POU6F2: variants seen among roughly 807,000 people sequenced by gnomAD.
The protein encoded by POU6F2 is POU class 6 homeobox 2.
Under a neutral mutation model 71.3 loss-of-function variants are expected in POU6F2, and 31 were observed. The ratio of observed to expected loss-of-function variants is 0.43; its 90% CI spans 0.33 to 0.59. POU6F2 has a LOEUF of 0.59. Among genes scored for constraint, POU6F2 ranks in the 20% least tolerant of loss-of-function variants. The pLI is 0.04. For missense variants in POU6F2, 783 were observed against 856.8 expected, an observed-to-expected ratio of 0.91 and a Z score of 1.07; for synonymous variants, 347 against 355.7, an observed-to-expected ratio of 0.98 and a Z score of 0.27.
chr7:39,082,786 C>T lies in POU6F2; in HGVS notation c.106-3074C>T, dbSNP rs962691119. On this transcript the variant is annotated intron_variant, in intron 1 of 9. Coordinates refer to ENST00000518318, the MANE Select transcript of POU6F2 (RefSeq NM_001370959.1). ...CCTCACTAGGGGTTTGCTGTTTAAC[C>T]ATGTCATGCACACACACACACACAC... Among the ~76,000 whole-genome samples, 4 of 130,536 alleles carry T rather than the reference C, an allele frequency of 3.1e-5. No individual in the cohort carries two copies. The Admixed American group carries it at 3.4e-4, about 11-fold the overall frequency. The allele number at this position is 130,536 out of a possible 152,430, so 85.6% of individuals were successfully genotyped here.
chr7:39,003,567 G>C (rs1232232361), intron 1 of POU6F2, among the ~76,000 whole-genome samples: 1 of 128,298 alleles, frequency 7.8e-6, no homozygotes. Context: ...GTGAAACCCC[G>C]TCTCTACTAA....
intron 1 of POU6F2, among the ~76,000 whole-genome samples, chr7:39,057,110 C>G (rs1002663912): frequency 2.2e-4 from 34 of 152,264 alleles, no homozygotes; most frequent in African/African-American, 8.2e-4. Context: ...GGCTTCCTCT[C>G]TCTTAAGTCT....
intron 2 of POU6F2, among the ~76,000 whole-genome samples, chr7:39,087,149 TTAATTA>T (rs1562700865): frequency 4.9e-4 from 52 of 106,806 alleles, no homozygotes; most frequent in South Asian, 1.1e-3. Context: ...GCTTTATTAA[TTAATTA>T]ATTAATTTAT....
chr7:39,241,714 T>C (rs1223810548), intron 4 of POU6F2, among the ~76,000 whole-genome samples: 1 of 152,176 alleles, frequency 6.6e-6, no homozygotes, highest in East Asian at 1.9e-4. Context: ...GGCCTTATTC[T>C]ATTGGTAATG....
intron 2 of POU6F2, among the ~76,000 whole-genome samples, chr7:39,175,359 A>G (rs1274843787): frequency 6.6e-6 from 1 of 152,126 alleles, no homozygotes; most frequent in East Asian, 1.9e-4. Flanking sequence ...GGGTGACCAT[A>G]TATTTTATTG....
intron 2 of POU6F2, among the ~76,000 whole-genome samples, chr7:39,185,809 G>A (rs1486624675): frequency 1.8e-3 from 37 of 20,722 alleles, no homozygotes; most frequent in African/African-American, 0.015. Context: ...ATATATATAT[G>A]TATATGTATA....
chr7:39,112,259 G>GTCTTT lies in POU6F2; in HGVS notation c.277+26229_277+26230insCTTTT, dbSNP rs1178688667. On this transcript the variant is annotated intron_variant, in intron 2 of 9. Transcript: ENST00000518318. ...AATTAGTCTTTTAAATATGATACAG[G>GTCTTT]TAACTTAAAAGTACTACTTTTAAGT... is the stretch of plus-strand genomic sequence containing the variant. 4.7e-3 allele frequency among the ~76,000 whole-genome samples: 716 copies of GTCTTT among 152,174 alleles called. 4 individuals carry two copies. Among genetic ancestry groups the GTCTTT allele is most frequent in the South Asian group, 0.018 (85 of 4,814 alleles).
At chr7:39,028,847 C>T (rs1789877072) in intron 1 of POU6F2, among the ~76,000 whole-genome samples, 1 of 152,034 alleles carries the variant, frequency 6.6e-6, no homozygotes. Flanking sequence ...ACTCTGCCAC[C>T]CAGGCTGTAG....
intron 2 of POU6F2, among the ~76,000 whole-genome samples, chr7:39,099,245 T>G (rs1156886628): frequency 6.6e-6 from 1 of 152,246 alleles, no homozygotes; most frequent in South Asian, 2.1e-4. Context: ...AAAATAATGT[T>G]GGCCTTGAGA....
intron 2 of POU6F2, among the ~76,000 whole-genome samples, chr7:39,104,279 A>G (rs73363822): frequency 0.018 from 2,767 of 152,322 alleles, 79 homozygotes; most frequent in African/African-American, 0.063. Flanking sequence ...CATGATGACA[A>G]CATTCATTTT....
At chr7:39,281,239 A>G (rs1300928640) in intron 4 of POU6F2, among the ~76,000 whole-genome samples, 2 of 152,198 alleles carry the variant, frequency 1.3e-5, no homozygotes, top group East Asian at 3.8e-4. Flanking sequence ...GCATTGCATC[A>G]TGGTCAAATC....
At chr7:39,321,733 C>T (rs1203559734) in intron 4 of POU6F2, among the ~76,000 whole-genome samples, 1 of 151,684 alleles carries the variant, frequency 6.6e-6, no homozygotes, top group African/African-American at 2.4e-5. Flanking sequence ...CAGCCTAATG[C>T]AGGTGCTTAA....
intron 4 of POU6F2, among the ~76,000 whole-genome samples, chr7:39,268,392 G>A (rs945827233): frequency 2.0e-5 from 3 of 152,082 alleles, no homozygotes; most frequent in Admixed American, 6.5e-5. Flanking sequence ...TCAGGGTGAT[G>A]GCTTACACCA....
At chr7:39,219,177 C>T (rs1794301244) in intron 4 of POU6F2, among the ~76,000 whole-genome samples, 1 of 152,098 alleles carries the variant, frequency 6.6e-6, no homozygotes. Context: ...TTGCTTACCC[C>T]TTATTTAGCC....
At chr7:38,990,678 C>G (rs932423959) in intron 1 of POU6F2, among the ~76,000 whole-genome samples, 1 of 151,954 alleles carries the variant, frequency 6.6e-6, no homozygotes, top group African/African-American at 2.4e-5. Context: ...TTGTCTGGAG[C>G]CTGTAATATA....
intron 2 of POU6F2, among the ~76,000 whole-genome samples, chr7:39,093,556 T>G (rs1791396259): frequency 6.6e-6 from 1 of 152,142 alleles, no homozygotes; most frequent in South Asian, 2.1e-4. Context: ...TAAGTAGTTT[T>G]CTTAGTGTTT....
At chr7:39,083,426 G>A (rs190680919) in intron 1 of POU6F2, 1 of 152,192 alleles carries the variant, frequency 6.6e-6, no homozygotes, top group Admixed American at 6.5e-5. Flanking sequence ...TGTAAGCCTG[G>A]GATCTTGACA....
In POU6F2 at chr7:39,390,218, A is replaced by G. The variant is rs1412970853; in HGVS notation, c.973-16382A>G. ...CGAGACCAGCCTGGAAAACGTGATG[A>G]AACCCCATCTCTACTAAAAATACCA... On this transcript the variant is annotated intron_variant, in intron 5 of 9. Coordinates refer to ENST00000518318, the MANE Select transcript of POU6F2 (RefSeq NM_001370959.1). Among the ~76,000 whole-genome samples the G allele has an allele frequency of 2.0e-5, 3 of 152,306 alleles. No individual in the cohort carries two copies. The East Asian group carries it at 5.8e-4, about 29-fold the overall frequency.
In POU6F2 at chr7:39,460,858, T is replaced by C. The variant is rs1309302405; in HGVS notation, c.1658+143T>C. ...GTTTGGGGGCAGCTATATGTTGGGATTGGTGATCTTGATGCAAACGACGCT... is the reference window on the plus strand; with the variant it reads ...GTTTGGGGGCAGCTATATGTTGGGACTGGTGATCTTGATGCAAACGACGCT... On this transcript the variant is annotated intron_variant, in intron 9 of 9. Transcript: ENST00000518318. This position sits in a 1 kb window ranked among gnomAD's most constrained non-coding sequence, Gnocchi z 4.4. 3 of 1,048,340 alleles carry C rather than the reference T, an allele frequency of 2.9e-6. No homozygotes were observed. The highest frequency in any genetic ancestry group is 5.9e-5 in the Admixed American group (2 of 33,742). The allele number at this position is 1,048,340 out of a possible 1,614,324, so 64.9% of individuals were successfully genotyped here.
Sources: gnomAD v4.1 joint callset for allele counts (sites outside exome capture counted in the v4.1 genomes callset) on GRCh38, gnomAD v4.1.1 for gene constraint, Gnocchi (gnomAD v3.1) non-coding constraint, MANE v1.5 for transcripts, NCBI Gene and HGNC (gene_info 2026-07-23, HGNC 2026-07-21) for gene names.